Variants in SSPN observed in about 807,000 individuals in gnomAD.
The protein encoded by SSPN is sarcospan.
A neutral mutation model predicts 19.1 loss-of-function variants in SSPN; 15 were observed. The observed-to-expected ratio is 0.78, with a 90% CI of 0.52 to 1.21. The LOEUF (loss-of-function observed/expected upper bound fraction) is 1.21, where lower values mean the gene tolerates loss of function less well. Ranked by LOEUF, SSPN falls within the 50% of genes most tolerant of loss-of-function variation. SSPN has a pLI of 0.00. For synonymous variants in SSPN, 147 were observed against 140.3 expected, an observed-to-expected ratio of 1.05 and a Z score of -0.34; for missense variants, 291 against 314.0, an observed-to-expected ratio of 0.93 and a Z score of 0.55.
Position 26,154,865 on chromosome 12 carries a change from A to G in SSPN, c.-31+32713A>G, listed in dbSNP as rs556290529. Among the ~76,000 whole-genome samples the G allele has an allele frequency of 3.9e-5, 6 of 152,272 alleles. No homozygotes were observed. The South Asian group carries it at 1.0e-3, about 26-fold the overall frequency. On this transcript the variant is annotated intron_variant, in intron 1 of 2. Coordinates refer to the SSPN transcript ENST00000538142. ...CCACATCAGATCCTGGACCAGAATTATATGAGAAAGTAGTGGGGTTTGGGC... is the reference window on the plus strand; with the variant it reads ...CCACATCAGATCCTGGACCAGAATTGTATGAGAAAGTAGTGGGGTTTGGGC...
rs139966042 is a variant in SSPN at position 26,230,766 on chromosome 12, C to A, written c.422C>A (p.Ala141Asp). ...CTGACGGTCTGTGTGCTGGCCGTGG[C>A]CTTTGCCGCCCACCACTATTCGCAG... The part of the protein sequence containing the change: ...LGLTVCVLAV[A>D]FAAHHYSQLT... The change falls in exon 3 of 3, where the codon GCC (alanine) becomes GAC (aspartate). Residue 141 changes from alanine to aspartate, a missense_variant. Ala to Asp is a moderately radical substitution (Grantham distance 126). Transcript: ENST00000242729. The A allele has an allele frequency of 6.8e-6, 11 of 1,614,080 alleles. No homozygotes were observed. The highest frequency in any genetic ancestry group is 9.3e-6 in the Non-Finnish European group (11 of 1,180,046).
rs572299137 is a variant in SSPN, at chr12:26,184,594, A to AAATC, written c.-30-39696_-30-39693dup. Among the ~76,000 whole-genome samples the AAATC allele has an allele frequency of 2.9e-4, 44 of 152,304 alleles. No homozygotes were observed. The East Asian group carries it at 8.3e-3, about 29-fold the overall frequency. On this transcript the variant is annotated intron_variant, in intron 1 of 2. Coordinates refer to the SSPN transcript ENST00000538142. ...CTTTTTGGATGTTGGAGGAAAGTGA[A>AAATC]AATCAACTGACACTTTGAAAATTAA...
chr12:26,145,686 G>A (rs1027788467), intron 1 of SSPN, among the ~76,000 whole-genome samples: 4 of 152,154 alleles, frequency 2.6e-5, no homozygotes, highest in Admixed American at 2.0e-4. Flanking sequence ...ATGCAGTTCC[G>A]CTTATGAGGC....
At chr12:26,149,854 A>T (rs981093561) in intron 1 of SSPN, among the ~76,000 whole-genome samples, 16 of 151,398 alleles carry the variant, frequency 1.1e-4, no homozygotes, top group East Asian at 3.9e-4. Flanking sequence ...TGCACCTGAA[A>T]TTTTTTTTTT....
At chr12:26,201,016 T>TAGATATATATAAA (rs1944873272) in intron 1 of SSPN, among the ~76,000 whole-genome samples, 1 of 45,872 alleles carries the variant, frequency 2.2e-5, no homozygotes, top group African/African-American at 9.5e-5. Context: ...TTTGTGTATA[T>TAGATATATATAAA]ATATATATAT....
chr12:26,147,205 A>T (rs1034479640), intron 1 of SSPN, among the ~76,000 whole-genome samples: 12 of 152,160 alleles, frequency 7.9e-5, no homozygotes, highest in Admixed American at 2.0e-4. Flanking sequence ...CTTGTAACAT[A>T]TATAATAAAG....
chr12:26,162,334 C>T (rs1380947692), intron 1 of SSPN, among the ~76,000 whole-genome samples: 1 of 152,184 alleles, frequency 6.6e-6, no homozygotes, highest in Admixed American at 6.5e-5. Flanking sequence ...AGCCCCTGAG[C>T]CAGTCTTTCT....
chr12:26,154,359 C>A (rs1437107073), intron 1 of SSPN, among the ~76,000 whole-genome samples: 2 of 152,162 alleles, frequency 1.3e-5, no homozygotes, highest in Non-Finnish European at 2.9e-5. Context: ...TTGCACTGAG[C>A]AACAACCTAT....
At chr12:26,183,660 A>T (rs1222678418) in intron 1 of SSPN, among the ~76,000 whole-genome samples, 1 of 152,256 alleles carries the variant, frequency 6.6e-6, no homozygotes, top group Admixed American at 6.5e-5. Context: ...TGATAGTATT[A>T]TGAAAGGGGC....
intron 1 of SSPN, among the ~76,000 whole-genome samples, chr12:26,157,618 G>T (rs4963966): frequency 2.0e-5 from 3 of 152,020 alleles, no homozygotes; most frequent in Admixed American, 6.5e-5. Flanking sequence ...AGACTTTTGC[G>T]CTAGGCTGAA....
At chr12:26,227,215 G>C (rs1341728894) in intron 2 of SSPN, among the ~76,000 whole-genome samples, 2 of 152,148 alleles carry the variant, frequency 1.3e-5, no homozygotes, top group Non-Finnish European at 2.9e-5. Context: ...TGAGTTAAAA[G>C]CCATGAAGGA....
At position 26,230,701 on chromosome 12, in the gene SSPN, T is replaced by C. The variant is rs766656113; in HGVS notation, c.367-10T>C. 4.4e-6 allele frequency: 7 copies of C among 1,589,450 alleles called. No individual in the cohort carries two copies. Among genetic ancestry groups the C allele is most frequent in the Non-Finnish European group, 6.0e-6 (7 of 1,164,330 alleles). On this transcript the variant is annotated splice_polypyrimidine_tract_variant and intron_variant, in intron 2 of 2. Transcript: ENST00000242729. ...TGTAACCAGAAAGGTTTTCTTCTGCTTTCTTGCAGCTGTTATACTTTCTGC... is the reference window on the plus strand; with the variant it reads ...TGTAACCAGAAAGGTTTTCTTCTGCCTTCTTGCAGCTGTTATACTTTCTGC...
In SSPN at chr12:26,153,086, T is replaced by C. The variant is rs560213829; in HGVS notation, c.-31+30934T>C. ...CATCCCCTAAAAGAAGTCTGTCCTG[T>C]TTTATCTAAAGTAAGCCCCATTGCC... On this transcript the variant is annotated intron_variant, in intron 1 of 2. Transcript: ENST00000538142. Among the ~76,000 whole-genome samples, 16 of 152,316 alleles carry C rather than the reference T, an allele frequency of 1.1e-4. No homozygotes were observed. In the South Asian group the frequency reaches 3.3e-3, roughly 32 times the overall value.
At chr12:26,219,049 A>G (rs1945090577) in intron 1 of SSPN, among the ~76,000 whole-genome samples, 2 of 152,326 alleles carry the variant, frequency 1.3e-5, no homozygotes, top group Non-Finnish European at 2.9e-5. Flanking sequence ...ACTTACAGAA[A>G]TAGAGTCCCA....
chr12:26,130,997 G>A (rs1944394524), intron 1 of SSPN, among the ~76,000 whole-genome samples: 1 of 152,072 alleles, frequency 6.6e-6, no homozygotes, highest in South Asian at 2.1e-4. Context: ...GCAATATAGG[G>A]GTTCTTTTAG....
intron 1 of SSPN, among the ~76,000 whole-genome samples, chr12:26,171,215 A>G (rs887262592): frequency 2.6e-5 from 4 of 152,232 alleles, no homozygotes; most frequent in Non-Finnish European, 5.9e-5. Context: ...TGGGTTACTC[A>G]GTAAATGAGT....
intron 1 of SSPN, among the ~76,000 whole-genome samples, chr12:26,144,683 G>A (rs1035855559): frequency 6.6e-6 from 1 of 150,994 alleles, no homozygotes; most frequent in African/African-American, 2.4e-5. Context: ...CTCCAAGATA[G>A]TAGGAACTTT....
chr12:26,201,741 G>C (rs573997380), intron 1 of SSPN, among the ~76,000 whole-genome samples: 1 of 152,030 alleles, frequency 6.6e-6, no homozygotes, highest in Non-Finnish European at 1.5e-5. Flanking sequence ...TTTTTTGATA[G>C]AAATACTGGT....
chr12:26,146,818 T>TAAAAAA (rs770083050), intron 1 of SSPN, among the ~76,000 whole-genome samples: 9 of 105,174 alleles, frequency 8.6e-5, no homozygotes, highest in Admixed American at 3.4e-4. Context: ...CAAGGCTGTC[T>TAAAAAA]AAAAAAAAAA....
Sources: gnomAD v4.1 joint callset for allele counts (sites outside exome capture counted in the v4.1 genomes callset) on GRCh38, gnomAD v4.1.1 for gene constraint, MANE v1.5 for transcripts, NCBI Gene and HGNC (gene_info 2026-07-23, HGNC 2026-07-21) for gene names.